Variants in SMIM41 observed in about 807,000 individuals in gnomAD.
The protein encoded by SMIM41 is small integral membrane protein 41.
At chr12:52,090,504 C>T (rs575344596) in intron 2 of SMIM41, among the ~76,000 whole-genome samples, 79 of 152,260 alleles carry the variant, frequency 5.2e-4, no homozygotes, top group Admixed American at 8.5e-4. Context: ...AAGGAGCGCA[C>T]CTGCTGTGGT....
chr12:52,091,760 A>G (rs1940008309), intron 2 of SMIM41, among the ~76,000 whole-genome samples: 1 of 152,242 alleles, frequency 6.6e-6, no homozygotes, highest in Non-Finnish European at 1.5e-5. Context: ...AAAATGTATG[A>G]ACTCCCAGAA....
At chr12:52,085,262 G>A (rs1342266466) in intron 2 of SMIM41, among the ~76,000 whole-genome samples, 1 of 152,180 alleles carries the variant, frequency 6.6e-6, no homozygotes, top group Non-Finnish European at 1.5e-5. Context: ...GCTTGCCTGT[G>A]TCGGCTTCTG....
chr12:52,108,025 C>G lies in SMIM41; in HGVS notation c.*842C>G, dbSNP rs868421761. The G allele has an allele frequency of 2.0e-5, 5 of 244,452 alleles. No homozygotes were observed. Among genetic ancestry groups the G allele is most frequent in the South Asian group, 5.0e-5 (1 of 20,002 alleles). The allele number at this position is 244,452 out of a possible 1,614,324, so 15.1% of individuals were successfully genotyped here. On this transcript the variant is annotated 3_prime_UTR_variant, in exon 3 of 3. Coordinates refer to ENST00000546390, the MANE Select transcript of SMIM41 (RefSeq NM_001369216.1). ...GTTTCCTCCATTCTGAGGGTTTCAT[C>G]ATCAGGTGGGAAGTATAAAGCCTTC...
Position 52,100,459 on chromosome 12 carries a change from C to CT in SMIM41, c.*196-6906dup, listed in dbSNP as rs560412492. Among the ~76,000 whole-genome samples, 332 of 143,708 alleles carry CT rather than the reference C, an allele frequency of 2.3e-3. 2 individuals are homozygous for CT. In the South Asian group the frequency reaches 0.023, roughly 10 times the overall value. The allele number at this position is 143,708 out of a possible 152,430, so 94.3% of individuals were successfully genotyped here. On this transcript the variant is annotated intron_variant, in intron 2 of 2. Coordinates refer to ENST00000546390, the MANE Select transcript of SMIM41 (RefSeq NM_001369216.1). ...CGAGAATGGGAGTAATATTTTCTTT[C>CT]TTTTTTTTTTTTTTGAGGCAGAGTT...
chr12:52,102,042 CTGTT>C (rs1940227299), intron 2 of SMIM41, among the ~76,000 whole-genome samples: 1 of 150,546 alleles, frequency 6.6e-6, no homozygotes, highest in African/African-American at 2.5e-5. Context: ...TTGTCTCTTG[CTGTT>C]TGTTTGTTTT....
intron 2 of SMIM41, among the ~76,000 whole-genome samples, chr12:52,098,739 G>C (rs11519982): frequency 0.083 from 12,545 of 150,722 alleles, 697 homozygotes; most frequent in Non-Finnish European, 0.11. Flanking sequence ...TATCACGGGG[G>C]GGGGGGTGTA....
At chr12:52,084,396 AAAC>A (rs1939863739) in intron 2 of SMIM41, among the ~76,000 whole-genome samples, 1 of 151,962 alleles carries the variant, frequency 6.6e-6, no homozygotes, top group South Asian at 2.1e-4. Context: ...AAACAAAAAA[AAAC>A]AAACAAAAAC....
intron 2 of SMIM41, among the ~76,000 whole-genome samples, chr12:52,085,291 T>A (rs1939877387): frequency 6.6e-6 from 1 of 152,152 alleles, no homozygotes; most frequent in Admixed American, 6.5e-5. Context: ...GCCTGGTGGT[T>A]GAGAGCAAGG....
rs1358309336 is a variant in SMIM41, at chr12:52,079,949, GCCT to G, written c.179_181del (p.Leu60del). 30 of 385,726 alleles carry G rather than the reference GCCT, an allele frequency of 7.8e-5. No individual in the cohort carries two copies. In the East Asian group the frequency reaches 1.1e-3, roughly 14 times the overall value. The allele number at this position is 385,726 out of a possible 1,614,324, so 23.9% of individuals were successfully genotyped here. A position where few individuals can be genotyped will look rare whatever the true frequency, so the allele number is the denominator to read the frequency against. Reference sequence around the variant, plus strand: ...TGCGGGGTCCTGTTCCTGGGCGGCGGCCTCCTCCTCCGCGCCCAGGGCCTGACA... The same window carrying G: ...TGCGGGGTCCTGTTCCTGGGCGGCGGCCTCCTCCGCGCCCAGGGCCTGACA... On this transcript the variant is annotated inframe_deletion, in exon 1 of 3. Coordinates refer to ENST00000546390, the MANE Select transcript of SMIM41 (RefSeq NM_001369216.1).
intron 2 of SMIM41, among the ~76,000 whole-genome samples, chr12:52,103,993 C>T (rs1013528205): frequency 6.6e-6 from 1 of 151,434 alleles, no homozygotes; most frequent in African/African-American, 2.4e-5. Context: ...AAACTGTAAA[C>T]TGAAAAATAG....
chr12:52,096,485 AT>A (rs1350042099), intron 2 of SMIM41, among the ~76,000 whole-genome samples: 5 of 151,992 alleles, frequency 3.3e-5, no homozygotes, highest in Non-Finnish European at 5.9e-5. Context: ...TAATATTAGT[AT>A]TAATTATTAC....
chr12:52,101,965 G>A (rs1347213955), intron 2 of SMIM41, among the ~76,000 whole-genome samples: 3 of 152,094 alleles, frequency 2.0e-5, no homozygotes, highest in Non-Finnish European at 2.9e-5. Flanking sequence ...CGCCCACCTC[G>A]GCCTCCCAAA....
At chr12:52,094,240 G>C (rs1940053206) in intron 2 of SMIM41, among the ~76,000 whole-genome samples, 1 of 148,162 alleles carries the variant, frequency 6.7e-6, no homozygotes, top group Non-Finnish European at 1.5e-5. Context: ...CTGTCACCCA[G>C]GCTGGAGTGC....
chr12:52,108,147 G>A lies in SMIM41; in HGVS notation c.*964G>A, dbSNP rs1355749831. ...AGATGTGTCATCTTCCCCCAGAAAGGGTGCAGTGGCTGCAGTGATGTACAC... is the reference window on the plus strand; with the variant it reads ...AGATGTGTCATCTTCCCCCAGAAAGAGTGCAGTGGCTGCAGTGATGTACAC... On this transcript the variant is annotated 3_prime_UTR_variant, in exon 3 of 3. Coordinates refer to ENST00000546390, the MANE Select transcript of SMIM41 (RefSeq NM_001369216.1). The A allele has an allele frequency of 2.8e-5, 6 of 216,860 alleles. No individual in the cohort carries two copies. The highest frequency in any genetic ancestry group is 5.5e-5 in the Non-Finnish European group (6 of 108,770). 13.4% of individuals were successfully genotyped at this position (216,860 alleles called of 1,614,324 possible). A position where few individuals can be genotyped will look rare whatever the true frequency, so the allele number is the denominator to read the frequency against.
chr12:52,085,213 G>T (rs568507222), intron 2 of SMIM41, among the ~76,000 whole-genome samples: 3 of 152,332 alleles, frequency 2.0e-5, no homozygotes, highest in Admixed American at 2.0e-4. Flanking sequence ...GGGCTCCATG[G>T]TGGGAGCAGG....
At chr12:52,084,397 A>T (rs1267130648) in intron 2 of SMIM41, among the ~76,000 whole-genome samples, 3 of 151,974 alleles carry the variant, frequency 2.0e-5, no homozygotes, top group Non-Finnish European at 2.9e-5. Context: ...AACAAAAAAA[A>T]ACAAACAAAA....
chr12:52,093,973 A>T (rs1940046676), intron 2 of SMIM41, among the ~76,000 whole-genome samples: 1 of 151,826 alleles, frequency 6.6e-6, no homozygotes, highest in African/African-American at 2.4e-5. Flanking sequence ...TCTACAAAAA[A>T]TAGAAGAATT....
At position 52,100,868 on chromosome 12, in the gene SMIM41, A is replaced by C. The variant is rs181640559; in HGVS notation, c.*196-6511A>C. On this transcript the variant is annotated intron_variant, in intron 2 of 2. Coordinates refer to ENST00000546390, the MANE Select transcript of SMIM41 (RefSeq NM_001369216.1). The stretch of plus-strand genomic sequence containing the variant: ...ACACTTGCATATACATAAAATGGGA[A>C]GTAGAAAAGAATAAAATGGGCACAG... Among the ~76,000 whole-genome samples the C allele has an allele frequency of 7.9e-5, 12 of 152,304 alleles. No homozygotes were observed. In the East Asian group the frequency reaches 2.3e-3, roughly 29 times the overall value.
In SMIM41 at chr12:52,079,881, G is replaced by A; in HGVS notation, c.102G>A (p.Ala34=). 2.6e-6 allele frequency: 1 copy of A among 390,346 alleles called. No individual in the cohort carries two copies. Among genetic ancestry groups the A allele is most frequent in the East Asian group, 3.7e-5 (1 of 27,180 alleles). The allele number at this position is 390,346 out of a possible 1,614,324, so 24.2% of individuals were successfully genotyped here. Reference sequence around the variant, plus strand: ...CGGAGCCCCCCGAGGGGCCGCGCGCGGTGCAGGCGGTGGTGCTCGGCGTGC... The same window carrying A: ...CGGAGCCCCCCGAGGGGCCGCGCGCAGTGCAGGCGGTGGTGCTCGGCGTGC... ...SPPEPPEGPR[A]VQAVVLGVLS... is the part of the protein sequence containing the mutation. The change falls in exon 1 of 3, where the codon GCG becomes GCA. Residue 34 remains alanine (A), a synonymous_variant. Transcript: ENST00000546390.
Sources: gnomAD v4.1 joint callset for allele counts (sites outside exome capture counted in the v4.1 genomes callset) on GRCh38, gnomAD v4.1.1 for gene constraint, MANE v1.5 for transcripts, NCBI Gene and HGNC (gene_info 2026-07-23, HGNC 2026-07-21) for gene names.